MPP7: variants seen among roughly 807,000 people sequenced by gnomAD.
The protein encoded by MPP7 is MAGUK p55 subfamily member 7.
MPP7 carries 60 observed loss-of-function variants against 76.5 expected under a neutral mutation model. The observed-to-expected ratio is 0.78, with a 90% CI of 0.64 to 0.97. The LOEUF is 0.97. MPP7 is among the 50% of genes least tolerant of loss of function. MPP7 has a pLI of 0.00. For synonymous variants in MPP7, 237 were observed against 244.5 expected, an observed-to-expected ratio of 0.97 and a Z score of 0.29; for missense variants, 641 against 694.0, an observed-to-expected ratio of 0.92 and a Z score of 0.86.
chr10:28,289,603 G>A (rs1840865809), intron 1 of MPP7, among the ~76,000 whole-genome samples: 1 of 152,188 alleles, frequency 6.6e-6, no homozygotes. Flanking sequence ...AGTGTCTAAG[G>A]TGAGTGGGCC....
chr10:28,162,149 G>C (rs1836283777), intron 3 of MPP7, among the ~76,000 whole-genome samples: 1 of 152,176 alleles, frequency 6.6e-6, no homozygotes, highest in Non-Finnish European at 1.5e-5. Flanking sequence ...ACAACTCTCT[G>C]AAGAAGCAAA....
rs117122068 is a variant in MPP7 at position 28,315,115 on chromosome 10, T to C, written c.-132+14814A>G. ...GCAAGCTGTGATTGCACAACTGCACTCCAGCCTGGGTGACAGCCTGGAGAC... is the reference window on the plus strand; with the variant it reads ...GCAAGCTGTGATTGCACAACTGCACCCCAGCCTGGGTGACAGCCTGGAGAC... On this transcript the variant is annotated intron_variant, in intron 2 of 11. Coordinates refer to the MPP7 transcript ENST00000441595. Among the ~76,000 whole-genome samples, 1,429 of 150,490 alleles carry C rather than the reference T, an allele frequency of 9.5e-3. 23 individuals carry two copies. Among genetic ancestry groups the C allele is most frequent in the South Asian group, 0.062 (296 of 4,762 alleles).
intron 11 of MPP7, among the ~76,000 whole-genome samples, chr10:28,115,966 A>T (rs1380989530): frequency 6.6e-6 from 1 of 152,276 alleles, no homozygotes; most frequent in African/African-American, 2.4e-5. Context: ...TTTAAGAGTT[A>T]TTGTGTAAAA....
intron 12 of MPP7, among the ~76,000 whole-genome samples, chr10:28,082,128 CAAG>C (rs1852791742): frequency 6.6e-6 from 1 of 152,094 alleles, no homozygotes; most frequent in South Asian, 2.1e-4. Context: ...TTGTAGGAGC[CAAG>C]GAAATAAATT....
At chr10:28,202,075 C>T in intron 3 of MPP7, 78 bp downstream of exon 3, 1 of 967,402 alleles carries the variant, frequency 1.0e-6, no homozygotes, top group South Asian at 1.4e-5. Flanking sequence ...ACAATTTGAT[C>T]TCTGGTTTAC....
At chr10:28,178,893 G>A (rs377492102) in intron 3 of MPP7, among the ~76,000 whole-genome samples, 5 of 152,232 alleles carry the variant, frequency 3.3e-5, no homozygotes, top group East Asian at 1.9e-4. Flanking sequence ...TAGCAGCAGC[G>A]AATTTTTAAG....
At chr10:28,268,915 T>C (rs920398334) in intron 1 of MPP7, among the ~76,000 whole-genome samples, 3 of 147,702 alleles carry the variant, frequency 2.0e-5, no homozygotes, top group Non-Finnish European at 4.5e-5. Context: ...CGAGACTCCG[T>C]CTCAAAAAAA....
chr10:28,099,251 G>T (rs1853705108), intron 11 of MPP7, among the ~76,000 whole-genome samples: 1 of 152,124 alleles, frequency 6.6e-6, no homozygotes, highest in Non-Finnish European at 1.5e-5. Context: ...AGTGGGACTT[G>T]GCTTTCTGTT....
intron 12 of MPP7, among the ~76,000 whole-genome samples, chr10:28,073,646 T>C (rs1314810849): frequency 6.6e-6 from 1 of 152,096 alleles, no homozygotes; most frequent in African/African-American, 2.4e-5. Context: ...GGCGGGTTCC[T>C]GTAGTCCCAG....
At chr10:28,088,280 T>A (rs1293232700) in intron 12 of MPP7, among the ~76,000 whole-genome samples, 1 of 152,144 alleles carries the variant, frequency 6.6e-6, no homozygotes, top group Non-Finnish European at 1.5e-5. Context: ...ATGGTTTGGC[T>A]CTGTGTCCCC....
intron 2 of MPP7, among the ~76,000 whole-genome samples, chr10:28,328,569 C>CTTT (rs34544679): frequency 1.5e-5 from 2 of 136,572 alleles, no homozygotes; most frequent in African/African-American, 5.5e-5. Flanking sequence ...CTAGCAAGCA[C>CTTT]TTTTTTTTTT....
intron 1 of MPP7, among the ~76,000 whole-genome samples, chr10:28,301,559 C>T (rs1176243828): frequency 6.6e-6 from 1 of 152,172 alleles, no homozygotes; most frequent in Non-Finnish European, 1.5e-5. Flanking sequence ...CAGAAGTTGG[C>T]TTGATGGCGG....
intron 11 of MPP7, among the ~76,000 whole-genome samples, chr10:28,099,809 C>CA (rs200972978): frequency 0.016 from 2,269 of 138,094 alleles, 52 homozygotes; most frequent in East Asian, 0.12. Flanking sequence ...CTCCATCTCC[C>CA]AAAAAAAAAA....
chr10:28,249,162 T>A (rs1839531365), intron 1 of MPP7, among the ~76,000 whole-genome samples: 1 of 151,892 alleles, frequency 6.6e-6, no homozygotes, highest in Non-Finnish European at 1.5e-5. Flanking sequence ...TTATTTATTT[T>A]GTGTTTCTGC....
chr10:28,063,683 G>A (rs776958160), intron 13 of MPP7, among the ~76,000 whole-genome samples: 1 of 152,050 alleles, frequency 6.6e-6, no homozygotes, highest in Non-Finnish European at 1.5e-5. Flanking sequence ...GCACGTGTGA[G>A]AGACCTAGAT....
At chr10:28,201,574 C>T (rs1837772514) in intron 3 of MPP7, among the ~76,000 whole-genome samples, 1 of 152,078 alleles carries the variant, frequency 6.6e-6, no homozygotes, top group Non-Finnish European at 1.5e-5. Context: ...TGGCCAGACC[C>T]GATTTCTGCT....
chr10:28,321,977 G>C (rs1025165522), intron 2 of MPP7, among the ~76,000 whole-genome samples: 96 of 151,716 alleles, frequency 6.3e-4, no homozygotes, highest in African/African-American at 2.2e-3. Context: ...GTGTGTGTGT[G>C]TGTGTGTGTG....
chr10:28,297,846 G>A (rs959764611), intron 1 of MPP7, among the ~76,000 whole-genome samples: 1 of 152,170 alleles, frequency 6.6e-6, no homozygotes, highest in Non-Finnish European at 1.5e-5. Context: ...TATTAACCAA[G>A]TTTACAGAAT....
chr10:28,228,637 A>C (rs1051143527), intron 2 of MPP7, among the ~76,000 whole-genome samples: 6 of 152,058 alleles, frequency 3.9e-5, no homozygotes, highest in Non-Finnish European at 8.8e-5. Context: ...GTGGTGGCAC[A>C]TCTGTAATCC....
Sources: gnomAD v4.1 joint callset for allele counts (sites outside exome capture counted in the v4.1 genomes callset) on GRCh38, gnomAD v4.1.1 for gene constraint, MANE v1.5 for transcripts, NCBI Gene and HGNC (gene_info 2026-07-23, HGNC 2026-07-21) for gene names.